Variants in OR7C1 observed in about 807,000 individuals in gnomAD.
OR7C1 encodes olfactory receptor family 7 subfamily C member 1.
For synonymous variants in OR7C1, 152 were observed against 160.7 expected (o/e 0.95, Z 0.41); for missense variants, 324 against 383.3 (o/e 0.85, Z 1.29).
intron 1 of OR7C1, among the ~76,000 whole-genome samples, chr19:14,821,232 C>G (rs113299193): frequency 0.033 from 5,028 of 152,174 alleles, 266 homozygotes; most frequent in African/African-American, 0.11. Flanking sequence ...GAGTGAAACT[C>G]TGTCTCAAAG....
chr19:14,827,086 A>C (rs1671407546), intron 1 of OR7C1: 1 of 465,800 alleles, frequency 2.1e-6, no homozygotes, highest in African/African-American at 2.0e-5. Context: ...GAAAACAACA[A>C]AGAGAAAAAA....
At chr19:14,799,805 T>A (rs575095255) in exon 5 of OR7C1, 6 of 1,613,590 alleles carry the variant, frequency 3.7e-6, no homozygotes, top group Non-Finnish European at 5.1e-6. Context: ...GAGTAAATTG[T>A]CCAGGCATCC....
chr19:14,826,542 T>C (rs747181709), intron 1 of OR7C1: 1 of 152,164 alleles, frequency 6.6e-6, no homozygotes, highest in Non-Finnish European at 1.5e-5. Flanking sequence ...CATACTTCAA[T>C]GAGTCCATGC....
At chr19:14,817,923 C>T (rs923235581) in intron 1 of OR7C1, among the ~76,000 whole-genome samples, 1 of 152,018 alleles carries the variant, frequency 6.6e-6, no homozygotes, top group East Asian at 1.9e-4. Flanking sequence ...GGATATGCAG[C>T]AAAGTGAGGG....
chr19:14,806,048 A>G (rs1256291097), intron 2 of OR7C1, among the ~76,000 whole-genome samples: 5 of 151,664 alleles, frequency 3.3e-5, no homozygotes, highest in Non-Finnish European at 4.4e-5. Context: ...GGTATTATAC[A>G]ATAAGTCTGT....
chr19:14,809,613 AG>A (rs2044681883), intron 2 of OR7C1, among the ~76,000 whole-genome samples, 192 bp downstream of exon 2: 1 of 152,000 alleles, frequency 6.6e-6, no homozygotes, highest in Non-Finnish European at 1.5e-5. Flanking sequence ...ATTGGAAGCA[AG>A]AAGAAACAGA....
At chr19:14,799,290 G>A (rs371478570) in exon 5 of OR7C1, 18 of 1,614,088 alleles carry the variant, frequency 1.1e-5, no homozygotes, top group Admixed American at 1.7e-5. Flanking sequence ...TTCAGCATGG[G>A]GGTGACCATG....
At chr19:14,801,072 A>G (rs1210391590) in intron 2 of OR7C1, among the ~76,000 whole-genome samples, 1 of 152,140 alleles carries the variant, frequency 6.6e-6, no homozygotes. Context: ...ACCCCAGGGT[A>G]TATACTCCAG....
chr19:14,812,639 T>C (rs573077894), intron 1 of OR7C1, among the ~76,000 whole-genome samples: 1 of 152,026 alleles, frequency 6.6e-6, no homozygotes, highest in Non-Finnish European at 1.5e-5. Context: ...AGCCTGCCGA[T>C]GCTCCCAGCT....
chr19:14,825,957 G>T (rs1457752915), intron 1 of OR7C1: 1 of 152,066 alleles, frequency 6.6e-6, no homozygotes, highest in Non-Finnish European at 1.5e-5. Flanking sequence ...TCTTATTTTG[G>T]CATTTGTTCT....
At chr19:14,805,994 C>T (rs1006489216) in intron 2 of OR7C1, among the ~76,000 whole-genome samples, 1 of 151,676 alleles carries the variant, frequency 6.6e-6, no homozygotes, top group South Asian at 2.1e-4. Context: ...TTGGAGACAC[C>T]AAATTAATGT....
At chr19:14,814,186 T>A (rs1359058350) in intron 1 of OR7C1, among the ~76,000 whole-genome samples, 4 of 147,354 alleles carry the variant, frequency 2.7e-5, no homozygotes, top group Admixed American at 6.7e-5. Context: ...TGAGATTACA[T>A]CAAACTAAAA....
chr19:14,829,074 C>G (rs1030277441), intron 1 of OR7C1, among the ~76,000 whole-genome samples: 5 of 152,116 alleles, frequency 3.3e-5, no homozygotes, highest in South Asian at 2.1e-4. Flanking sequence ...GATTATTATT[C>G]AAGACCTGCA....
At chr19:14,803,923 A>G (rs1345343638) in intron 2 of OR7C1, among the ~76,000 whole-genome samples, 2 of 151,846 alleles carry the variant, frequency 1.3e-5, no homozygotes, top group Non-Finnish European at 2.9e-5. Context: ...GTTAGCCATG[A>G]TGGTCTTGAT....
intron 2 of OR7C1, among the ~76,000 whole-genome samples, chr19:14,804,779 A>G (rs2044658421): frequency 1.3e-5 from 2 of 152,018 alleles, no homozygotes; most frequent in South Asian, 2.1e-4. Context: ...GAAACTAGAT[A>G]GAGATGGTGG....
intron 1 of OR7C1, among the ~76,000 whole-genome samples, chr19:14,820,975 C>T (rs774099471): frequency 3.3e-5 from 5 of 152,132 alleles, no homozygotes; most frequent in African/African-American, 7.2e-5. Flanking sequence ...ATGTGTGGGC[C>T]GGGCATGGTG....
At chr19:14,815,590 C>T (rs2044712190) in intron 1 of OR7C1, among the ~76,000 whole-genome samples, 1 of 152,178 alleles carries the variant, frequency 6.6e-6, no homozygotes, top group African/African-American at 2.4e-5. Flanking sequence ...AATAAAGTCT[C>T]CTTTCCTTTT....
chr19:14,820,827 G>A (rs117960218), intron 1 of OR7C1, among the ~76,000 whole-genome samples: 20 of 152,290 alleles, frequency 1.3e-4, no homozygotes, highest in Middle Eastern at 3.4e-3. Context: ...CACGAGGAAC[G>A]GAATTGGACT....
rs541012821 is a variant in OR7C1 at position 14,799,146 on chromosome 19, T to TA, written c.*27_*28insT. ...GGATACATTCAAGAACCACCAAAAG[T>TA]GCCTCCCAATGGTCCAAGCCTTGCT... On this transcript the variant is annotated 3_prime_UTR_variant, in exon 5 of 5. Coordinates refer to ENST00000641666, the Ensembl canonical transcript of OR7C1. 9.0e-5 allele frequency: 140 copies of TA among 1,560,780 alleles called. No homozygotes were observed. In the African/African-American group the frequency reaches 1.6e-3, roughly 18 times the overall value.
Sources: allele counts gnomAD v4.1 joint callset (sites outside exome capture counted in the v4.1 genomes callset), GRCh38; gene constraint gnomAD v4.1.1; transcripts MANE v1.5; gene names NCBI Gene and HGNC (gene_info 2026-07-23, HGNC 2026-07-21).